Variants in ACACA observed in about 807,000 individuals in gnomAD.
ACACA encodes acetyl-CoA carboxylase alpha.
In ACACA, 103 loss-of-function variants were observed where a neutral mutation model predicts 296.1. The ratio of observed to expected loss-of-function variants is 0.35; its 90% CI spans 0.30 to 0.41. The LOEUF is 0.41. ACACA is among the 10% of genes least tolerant of loss of function. The pLI is 1.00. For missense variants in ACACA, 1,554 were observed against 2,989.7 expected (o/e 0.52, Z 11.20); for synonymous variants, 953 against 1,038.6 (o/e 0.92, Z 1.58).
rs2050886509 is a variant in ACACA at position 37,391,553 on chromosome 17, T to C, written c.38+14709A>G. ...AAAATGAAGTGCACTTGGAATTACA[T>C]GGGGTTTTGTACTTAGCCAGCCCTT... On this transcript the variant is annotated intron_variant, in intron 1 of 55. Coordinates refer to ENST00000616317, the MANE Select transcript of ACACA (RefSeq NM_198834.3). 3.7e-6 allele frequency: 4 copies of C among 1,074,316 alleles called. No individual in the cohort carries two copies. The South Asian group carries it at 3.8e-5, about 10-fold the overall frequency. The allele number at this position is 1,074,316 out of a possible 1,614,324, so 66.5% of individuals were successfully genotyped here. A position where few individuals can be genotyped will look rare whatever the true frequency, so the allele number is the denominator to read the frequency against.
At chr17:37,303,788 G>A (rs1258511187) in intron 3 of ACACA, among the ~76,000 whole-genome samples, 2 of 152,238 alleles carry the variant, frequency 1.3e-5, no homozygotes, top group African/African-American at 4.8e-5. Flanking sequence ...AACCCAGGAG[G>A]CGGAGGTTGC....
intron 3 of ACACA, among the ~76,000 whole-genome samples, chr17:37,304,241 G>T (rs1302078497): frequency 2.6e-5 from 4 of 151,448 alleles, no homozygotes; most frequent in Non-Finnish European, 4.4e-5. Flanking sequence ...TTGCTCTTTT[G>T]CCCAGGCTGG....
chr17:37,405,855 CTTTT>C (rs3049528), intron 1 of ACACA, among the ~76,000 whole-genome samples: 1 of 53,558 alleles, frequency 1.9e-5, no homozygotes, highest in Non-Finnish European at 3.6e-5. Context: ...CCCGGCAGGG[CTTTT>C]TTTTTTTTTT....
chr17:37,387,503 G>T (rs188886877), intron 1 of ACACA: 1 of 151,580 alleles, frequency 6.6e-6, no homozygotes, highest in East Asian at 2.0e-4. Flanking sequence ...CTGGAGTGCA[G>T]TAGCGTAGTC....
At chr17:37,286,708 C>T (rs1174098462) in intron 3 of ACACA, among the ~76,000 whole-genome samples, 1 of 152,126 alleles carries the variant, frequency 6.6e-6, no homozygotes, top group Non-Finnish European at 1.5e-5. Context: ...AGAATATCAA[C>T]CTTGCCATGC....
At chr17:37,402,211 A>T (rs2051315471) in intron 1 of ACACA, among the ~76,000 whole-genome samples, 2 of 152,190 alleles carry the variant, frequency 1.3e-5, no homozygotes, top group African/African-American at 4.8e-5. Flanking sequence ...CTTTGCTATG[A>T]CAGGTTAAAT....
chr17:37,090,215 G>T (rs1384379176), intron 54 of ACACA, among the ~76,000 whole-genome samples: 1 of 152,182 alleles, frequency 6.6e-6, no homozygotes, highest in African/African-American at 2.4e-5. Flanking sequence ...GTACAAAACT[G>T]AGCACTAGGC....
intron 39 of ACACA, among the ~76,000 whole-genome samples, chr17:37,182,429 T>C (rs1185993249): frequency 6.6e-6 from 1 of 152,162 alleles, no homozygotes; most frequent in Non-Finnish European, 1.5e-5. Flanking sequence ...GCAATACCTA[T>C]ATTGTCACAT....
intron 10 of ACACA, among the ~76,000 whole-genome samples, chr17:37,268,798 T>C (rs2081935204): frequency 6.8e-6 from 1 of 147,502 alleles, no homozygotes; most frequent in South Asian, 2.1e-4. Context: ...TTGTTCCCAA[T>C]GGGAGGATTA....
intron 1 of ACACA, chr17:37,359,055 G>T: frequency 2.0e-6 from 2 of 986,018 alleles, no homozygotes; most frequent in Non-Finnish European, 2.4e-6. Context: ...TGGAGGAACT[G>T]CTGGGCGGGA....
chr17:37,118,630 T>C (rs768095429), intron 50 of ACACA, among the ~76,000 whole-genome samples: 5 of 152,218 alleles, frequency 3.3e-5, no homozygotes, highest in Admixed American at 6.5e-5. Context: ...ATCAGCCAAC[T>C]GTGTTACAGG....
At chr17:37,177,676 C>A (rs1405892121) in intron 41 of ACACA, among the ~76,000 whole-genome samples, 2 of 152,208 alleles carry the variant, frequency 1.3e-5, no homozygotes, top group African/African-American at 4.8e-5. Context: ...AAGTCTAGCA[C>A]AATGAAGCTT....
intron 30 of ACACA, 132 bp from the exon 31 acceptor site, chr17:37,207,932 T>G: frequency 1.0e-6 from 1 of 977,834 alleles, no homozygotes; most frequent in Non-Finnish European, 1.6e-6. Context: ...TTGGTTTTTT[T>G]ACCCACTATG....
intron 25 of ACACA, 25 bp from the exon 26 acceptor site, chr17:37,226,477 A>G (rs2079549989): frequency 6.4e-7 from 1 of 1,560,684 alleles, no homozygotes; most frequent in Admixed American, 1.7e-5. Flanking sequence ...AAAAAAGAAC[A>G]TAGATAGTCA....
intron 1 of ACACA, among the ~76,000 whole-genome samples, chr17:37,385,015 C>G (rs965438419): frequency 2.0e-5 from 3 of 152,188 alleles, no homozygotes; most frequent in African/African-American, 7.2e-5. Flanking sequence ...GAGGTTATTT[C>G]CAGACTCCAG....
chr17:37,354,918 G>A (rs77990622), intron 1 of ACACA, among the ~76,000 whole-genome samples: 1,722 of 152,158 alleles, frequency 0.011, 36 homozygotes, highest in African/African-American at 0.038. Flanking sequence ...GTGACACAGC[G>A]AGAGAATCTC....
chr17:37,275,495 CAAAAAAA>C (rs34064045), intron 8 of ACACA, among the ~76,000 whole-genome samples: 14 of 61,656 alleles, frequency 2.3e-4, no homozygotes, highest in East Asian at 8.6e-4. Flanking sequence ...GACTCCAACT[CAAAAAAA>C]AAAAAAAAAA....
chr17:37,335,447 G>A (rs2048073869), intron 2 of ACACA, among the ~76,000 whole-genome samples: 1 of 152,124 alleles, frequency 6.6e-6, no homozygotes, highest in African/African-American at 2.4e-5. Flanking sequence ...CCTCCCACAC[G>A]AATAGTCTGC....
intron 42 of ACACA, chr17:37,161,540 G>T: frequency 1.7e-6 from 1 of 579,684 alleles, no homozygotes; most frequent in Non-Finnish European, 3.0e-6. Context: ...ATTTCATCTA[G>T]TGCTCAACCA....
Sources: gnomAD v4.1 joint callset for allele counts (sites outside exome capture counted in the v4.1 genomes callset) on GRCh38, gnomAD v4.1.1 for gene constraint, MANE v1.5 for transcripts, NCBI Gene and HGNC (gene_info 2026-07-23, HGNC 2026-07-21) for gene names.